The following DCLRE1C variants were observed in gnomAD, a reference collection of about 807,000 sequenced individuals.
The protein encoded by DCLRE1C is DNA cross-link repair 1C.
Under a neutral mutation model 61.4 loss-of-function variants are expected in DCLRE1C, and 47 were observed. The ratio of observed to expected loss-of-function variants is 0.77; its 90% CI spans 0.61 to 0.98. DCLRE1C has a LOEUF of 0.98. Among genes scored for constraint, DCLRE1C ranks in the 50% least tolerant of loss-of-function variants. The pLI is 0.00. For synonymous variants in DCLRE1C, 337 were observed against 287.6 expected (o/e 1.17, Z -1.74); for missense variants, 858 against 816.0 (o/e 1.05, Z -0.63).
At chr10:14,900,290 TTACC>T (rs1164109645), downstream of DCLRE1C, among the ~76,000 whole-genome samples, 1 of 152,208 alleles carries the variant, frequency 6.6e-6, no homozygotes, top group Non-Finnish European at 1.5e-5. Context: ...TAATTTTGGG[TTACC>T]TACTAAGTAG....
intron 13 of DCLRE1C, among the ~76,000 whole-genome samples, chr10:14,912,302 CGCCTCG>C (rs1212353792): frequency 3.3e-5 from 5 of 152,098 alleles, no homozygotes; most frequent in Non-Finnish European, 7.4e-5. Flanking sequence ...GTGATCCATC[CGCCTCG>C]GCCTCCCAAA....
chr10:14,937,277 T>G (rs1426948731), intron 4 of DCLRE1C, among the ~76,000 whole-genome samples: 1 of 148,152 alleles, frequency 6.7e-6, no homozygotes, highest in Non-Finnish European at 1.5e-5. Context: ...AATAAAGCTA[T>G]TTACTTTTTT....
chr10:14,914,539 T>C (rs754356063), intron 13 of DCLRE1C, among the ~76,000 whole-genome samples: 1 of 152,216 alleles, frequency 6.6e-6, no homozygotes, highest in Non-Finnish European at 1.5e-5. Flanking sequence ...GAACACTTCA[T>C]CCAACAACAG....
chr10:14,918,980 C>CT (rs1324903679), intron 13 of DCLRE1C, among the ~76,000 whole-genome samples: 1 of 152,134 alleles, frequency 6.6e-6, no homozygotes, highest in East Asian at 1.9e-4. Flanking sequence ...GATGGTACCC[C>CT]TTGTAAGTTT....
chr10:14,917,698 C>A (rs1836431811), intron 13 of DCLRE1C, among the ~76,000 whole-genome samples: 1 of 152,040 alleles, frequency 6.6e-6, no homozygotes, highest in South Asian at 2.1e-4. Context: ...GTGGCATGTG[C>A]CTGTACTACT....
exon 14 of DCLRE1C, chr10:14,898,784 C>T (rs1833785248): frequency 6.4e-6 from 1 of 155,702 alleles, no homozygotes; most frequent in Non-Finnish European, 1.4e-5. Flanking sequence ...ACATATTCTA[C>T]AAAAACAAAA....
intron 5 of DCLRE1C, among the ~76,000 whole-genome samples, chr10:14,936,130 G>C (rs1839869072): frequency 6.6e-6 from 1 of 152,028 alleles, no homozygotes. Flanking sequence ...CTGGCCTCAA[G>C]TGATGCACCT....
At chr10:14,935,643 TA>T (rs1422206695) in intron 5 of DCLRE1C, 79 bp from the exon 6 acceptor site, 1 of 1,338,028 alleles carries the variant, frequency 7.5e-7, no homozygotes, top group African/African-American at 1.4e-5. Flanking sequence ...AGCTGCATAC[TA>T]AATGCTTCCT....
At chr10:14,948,971 T>A (rs2131167998) in intron 2 of DCLRE1C, 65 bp downstream of exon 2, 1 of 1,133,320 alleles carries the variant, frequency 8.8e-7, no homozygotes, top group East Asian at 2.4e-5. Context: ...TATATACTTT[T>A]CTGTACAGTT....
rs888179345 is a variant in DCLRE1C at position 14,954,059 on chromosome 10, A to G, written c.-49T>C. ...GGACCCCAAAACCGCAGCTGAAGCC[A>G]AGGCCAGCCCTGACCGCGCCGCCAC... On this transcript the variant is annotated 5_prime_UTR_variant, in exon 1 of 14. Transcript: ENST00000378278. The G allele has an allele frequency of 6.2e-7, 1 of 1,611,176 alleles. No homozygotes were observed. Among genetic ancestry groups the G allele is most frequent in the African/African-American group, 1.3e-5 (1 of 75,032 alleles).
At chr10:14,945,744 C>T (rs2131119132) in intron 2 of DCLRE1C, among the ~76,000 whole-genome samples, 1 of 147,998 alleles carries the variant, frequency 6.8e-6, no homozygotes, top group Middle Eastern at 3.5e-3. Context: ...CTGCAAACTC[C>T]ACTTCCCAGG....
chr10:14,941,367 C>T (rs1840825922), intron 3 of DCLRE1C, among the ~76,000 whole-genome samples: 1 of 152,150 alleles, frequency 6.6e-6, no homozygotes, highest in African/African-American at 2.4e-5. Context: ...TCACTATAAC[C>T]TCAAACTTCG....
chr10:14,899,014 T>G (rs1299473714), exon 14 of DCLRE1C: 2 of 555,758 alleles, frequency 3.6e-6, no homozygotes, highest in East Asian at 5.6e-5. Flanking sequence ...AGTGTTCCAA[T>G]GTACTGCTCA....
chr10:14,911,948 G>A (rs1200576158), intron 13 of DCLRE1C, among the ~76,000 whole-genome samples: 2 of 152,228 alleles, frequency 1.3e-5, no homozygotes, highest in Non-Finnish European at 2.9e-5. Flanking sequence ...GCTAATATGT[G>A]AAGGAACTGG....
At chr10:14,940,796 C>G (rs1794446661) in intron 3 of DCLRE1C, among the ~76,000 whole-genome samples, 1 of 152,192 alleles carries the variant, frequency 6.6e-6, no homozygotes, top group Non-Finnish European at 1.5e-5. Context: ...AATGAAACAT[C>G]TTATTCATGA....
At chr10:14,935,667 A>G (rs1839790701) in intron 5 of DCLRE1C, 103 bp from the exon 6 acceptor site, 3 of 1,120,648 alleles carry the variant, frequency 2.7e-6, no homozygotes, top group Admixed American at 1.8e-5. Context: ...AAACATATCC[A>G]TTACAATACA....
chr10:14,946,380 C>A (rs576773197), intron 2 of DCLRE1C, among the ~76,000 whole-genome samples: 1 of 152,202 alleles, frequency 6.6e-6, no homozygotes, highest in East Asian at 1.9e-4. Context: ...TTGTATTTTC[C>A]AAAGATGGCC....
chr10:14,928,283 A>C, intron 9 of DCLRE1C, 131 bp from the exon 10 acceptor site: 1 of 770,486 alleles, frequency 1.3e-6, no homozygotes, highest in South Asian at 1.7e-5. Flanking sequence ...AAGCAGCAAA[A>C]CAATGTAGAC....
chr10:14,901,333 C>T, downstream of DCLRE1C: 1 of 1,583,300 alleles, frequency 6.3e-7, no homozygotes, highest in Middle Eastern at 1.7e-4. Flanking sequence ...TAGGAACAGA[C>T]CTTAGATATT....
Sources: allele counts gnomAD v4.1 joint callset (sites outside exome capture counted in the v4.1 genomes callset), GRCh38; gene constraint gnomAD v4.1.1; transcripts MANE v1.5; gene names NCBI Gene and HGNC (gene_info 2026-07-23, HGNC 2026-07-21).